The following MLLT1 variants were observed in gnomAD, a reference collection of about 807,000 sequenced individuals.
MLLT1 encodes the protein protein ENL.
In MLLT1, 11 loss-of-function variants were observed where a neutral mutation model predicts 55.1. The observed-to-expected ratio is 0.20, with a 90% CI of 0.13 to 0.33. The LOEUF is 0.33. MLLT1 is among the 10% of genes least tolerant of loss of function. The pLI is 1.00. For synonymous variants in MLLT1, 323 were observed against 320.1 expected, an observed-to-expected ratio of 1.01 and a Z score of -0.10; for missense variants, 536 against 760.6, an observed-to-expected ratio of 0.70 and a Z score of 3.47.
rs183583571 is a variant in MLLT1, at chr19:6,214,328, G to A, written c.1308-290C>T. On this transcript the variant is annotated intron_variant, in intron 8 of 11. Transcript: ENST00000252674. ...CAAAGCCCCCCAGCCAATGGGCCTT[G>A]CTGGGCTGTGGTCCTCTGACTTGGT... is the stretch of plus-strand genomic sequence containing the variant. Among the ~76,000 whole-genome samples, 311 of 152,338 alleles carry A rather than the reference G, an allele frequency of 2.0e-3. 3 individuals carry two copies. The highest frequency in any genetic ancestry group is 7.1e-3 in the African/African-American group (294 of 41,564).
chr19:6,258,135 T>A (rs183571788), intron 3 of MLLT1, among the ~76,000 whole-genome samples: 5 of 152,206 alleles, frequency 3.3e-5, no homozygotes, highest in Non-Finnish European at 2.9e-5. Flanking sequence ...CATTCCTAGG[T>A]GTATACACCC....
intron 2 of MLLT1, among the ~76,000 whole-genome samples, chr19:6,268,967 G>C (rs1163818286): frequency 6.6e-6 from 1 of 152,264 alleles, no homozygotes; most frequent in Non-Finnish European, 1.5e-5. Flanking sequence ...CAGCCTCAAA[G>C]TGGATGGAAA....
In MLLT1 at chr19:6,245,382, G is replaced by A. The variant is rs979023056; in HGVS notation, c.277-14669C>T. On this transcript the variant is annotated intron_variant, in intron 3 of 11. Coordinates refer to ENST00000252674, the MANE Select transcript of MLLT1 (RefSeq NM_005934.4). Reference sequence around the variant, plus strand: ...GCTGGGATTACAGGTATAAGCCGCCGTGCCCAGCCCTTAAAAAAGTTTTTT... The same window carrying A: ...GCTGGGATTACAGGTATAAGCCGCCATGCCCAGCCCTTAAAAAAGTTTTTT... Among the ~76,000 whole-genome samples, 47 of 149,774 alleles carry A rather than the reference G, an allele frequency of 3.1e-4. 1 individual carries two copies. The highest frequency in any genetic ancestry group is 9.3e-4 in the African/African-American group (38 of 40,896).
Position 6,212,838 on chromosome 19 carries a change from C to A in MLLT1, c.*204G>T. The A allele has an allele frequency of 1.1e-6, 1 of 923,566 alleles. No individual in the cohort carries two copies. 57.2% of individuals were successfully genotyped at this position (923,566 alleles called of 1,614,324 possible). ...GCCCGGGGGGCGGCTCCCGTGTGGC[C>A]CAGCCCGGCCCCAGGGCTCCTGGCG... On this transcript the variant is annotated 3_prime_UTR_variant, in exon 12 of 12. Coordinates refer to ENST00000252674, the MANE Select transcript of MLLT1 (RefSeq NM_005934.4).
rs1383521559 is a variant in MLLT1, at chr19:6,230,007, G to A, written c.420+563C>T. Among the ~76,000 whole-genome samples, 8 of 151,270 alleles carry A rather than the reference G, an allele frequency of 5.3e-5. No homozygotes were observed. The highest frequency in any genetic ancestry group is 8.8e-5 in the Non-Finnish European group (6 of 67,806). ...TCAGCCTGCACGTCCCTCCCTCCACGCCCCCCTCCTCCATAACCACCACCA... is the reference window on the plus strand; with the variant it reads ...TCAGCCTGCACGTCCCTCCCTCCACACCCCCCTCCTCCATAACCACCACCA... On this transcript the variant is annotated intron_variant, in intron 4 of 11. Coordinates refer to ENST00000252674, the MANE Select transcript of MLLT1 (RefSeq NM_005934.4). The surrounding 1 kb of genome is among the most constrained non-coding windows in gnomAD (Gnocchi z 9.0).
intron 3 of MLLT1, among the ~76,000 whole-genome samples, chr19:6,257,454 A>C (rs997225115): frequency 6.6e-6 from 1 of 152,144 alleles, no homozygotes; most frequent in African/African-American, 2.4e-5. Context: ...ACATACCCAA[A>C]ATATTTAAAA....
At chr19:6,232,325 A>C (rs546283109) in intron 3 of MLLT1, among the ~76,000 whole-genome samples, 1 of 152,320 alleles carries the variant, frequency 6.6e-6, no homozygotes, top group Non-Finnish European at 1.5e-5. Flanking sequence ...GGGTGACGAC[A>C]CCACTCAATG....
At chr19:6,225,962 G>A (rs192873181) in intron 5 of MLLT1, among the ~76,000 whole-genome samples, 7 of 152,356 alleles carry the variant, frequency 4.6e-5, no homozygotes, top group Non-Finnish European at 7.3e-5. Flanking sequence ...GCCGAGTGGG[G>A]AGACCCCAGG....
intron 8 of MLLT1, among the ~76,000 whole-genome samples, 159 bp from the exon 9 acceptor site, chr19:6,214,197 C>G (rs2090814833): frequency 6.7e-6 from 1 of 150,346 alleles, no homozygotes; most frequent in South Asian, 2.1e-4. Context: ...CTTAAAAATA[C>G]TGTGTGTGGC....
At chr19:6,218,182 T>C (rs980034995) in intron 6 of MLLT1, 141 bp from the exon 7 acceptor site, 1 of 1,300,776 alleles carries the variant, frequency 7.7e-7, no homozygotes, top group Non-Finnish European at 1.0e-6. Context: ...GGTACCCACG[T>C]GTGCCGCTGA....
intron 3 of MLLT1, among the ~76,000 whole-genome samples, chr19:6,244,486 C>T (rs922140761): frequency 6.6e-6 from 1 of 152,032 alleles, no homozygotes; most frequent in Non-Finnish European, 1.5e-5. Context: ...ATGCCGCCAG[C>T]GGACAGCGAA....
intron 11 of MLLT1, 50 bp from the exon 12 acceptor site, chr19:6,213,220 T>C: frequency 6.2e-7 from 1 of 1,612,470 alleles, no homozygotes; most frequent in Non-Finnish European, 8.5e-7. Context: ...AAGGGTGGGG[T>C]TGCCCTGTTC....
At position 6,237,012 on chromosome 19, in the gene MLLT1, A is replaced by C. The variant is rs529788106; in HGVS notation, c.277-6299T>G. On this transcript the variant is annotated intron_variant, in intron 3 of 11. Transcript: ENST00000252674. ...GCGTCTCTCTGGCCTCGGGAAACTAAGATGCAGACGAACTGGCCAAACAGG... is the reference window on the plus strand; with the variant it reads ...GCGTCTCTCTGGCCTCGGGAAACTACGATGCAGACGAACTGGCCAAACAGG... Among the ~76,000 whole-genome samples, 12 of 152,374 alleles carry C rather than the reference A, an allele frequency of 7.9e-5. No individual in the cohort carries two copies. The South Asian group carries it at 8.3e-4, about 11-fold the overall frequency.
chr19:6,221,506 G>A (rs977084323), intron 6 of MLLT1, among the ~76,000 whole-genome samples: 1 of 152,206 alleles, frequency 6.6e-6, no homozygotes, highest in Non-Finnish European at 1.5e-5. Context: ...AGGGGTCCTC[G>A]TTCCAAGCTC....
intron 3 of MLLT1, among the ~76,000 whole-genome samples, chr19:6,243,796 C>T (rs2091139178): frequency 6.6e-6 from 1 of 152,152 alleles, no homozygotes; most frequent in African/African-American, 2.4e-5. Context: ...GTAATCCCAG[C>T]ACTTTGGGAG....
At chr19:6,245,165 ACTCT>A (rs995903386) in intron 3 of MLLT1, among the ~76,000 whole-genome samples, 1 of 149,912 alleles carries the variant, frequency 6.7e-6, no homozygotes, top group African/African-American at 2.5e-5. Context: ...ACATAGTGAG[ACTCT>A]CTAACAAAAA....
Position 6,276,110 on chromosome 19 carries a change from C to T in MLLT1, c.12+3663G>A, listed in dbSNP as rs112786798. ...GAGTGCAAAACCTCCCATTACGAAC[C>T]ACAACGGGCATAAAGGGAAATGGGA... On this transcript the variant is annotated intron_variant, in intron 1 of 11. Transcript: ENST00000252674. Among the ~76,000 whole-genome samples, 402 of 152,314 alleles carry T rather than the reference C, an allele frequency of 2.6e-3. 1 individual carries two copies. Among genetic ancestry groups the T allele is most frequent in the African/African-American group, 9.2e-3 (383 of 41,574 alleles).
At chr19:6,216,792 C>T (rs1452821324) in intron 7 of MLLT1, 3 of 451,190 alleles carry the variant, frequency 6.6e-6, no homozygotes, top group Non-Finnish European at 1.2e-5. Flanking sequence ...CGCGCAGGGC[C>T]CCTCCATTGC....
chr19:6,211,449 C>G lies in MLLT1; in HGVS notation c.*1593G>C, dbSNP rs1379535230. On this transcript the variant is annotated 3_prime_UTR_variant, in exon 12 of 12. Transcript: ENST00000252674. This position sits in a 1 kb window ranked among gnomAD's most constrained non-coding sequence, Gnocchi z 4.6. ...GCAGCCTTGGAGGCATGGGTCCCCA[C>G]CAAGGAGTGTTCAGGATCTGCTGAC... 4 of 329,754 alleles carry G rather than the reference C, an allele frequency of 1.2e-5. No individual in the cohort carries two copies. Among genetic ancestry groups the G allele is most frequent in the Non-Finnish European group, 1.9e-5 (4 of 206,778 alleles). 20.4% of individuals were successfully genotyped at this position (329,754 alleles called of 1,614,324 possible).
Sources: gnomAD v4.1 joint callset for allele counts (sites outside exome capture counted in the v4.1 genomes callset) on GRCh38, gnomAD v4.1.1 for gene constraint, Gnocchi (gnomAD v3.1) non-coding constraint, MANE v1.5 for transcripts, NCBI Gene and HGNC (gene_info 2026-07-23, HGNC 2026-07-21) for gene names.